Variants in PIEZO2 observed in about 807,000 individuals in gnomAD.
PIEZO2 encodes piezo type mechanosensitive ion channel component 2.
A neutral mutation model predicts 337.3 loss-of-function variants in PIEZO2; 172 were observed. That is an observed-to-expected ratio of 0.51 (90% CI 0.45 to 0.58). PIEZO2 has a LOEUF of 0.58. Ranked by LOEUF, PIEZO2 falls within the 20% of genes least tolerant of loss-of-function variation. The probability of loss-of-function intolerance (pLI) is 0.00; values close to 1 mark genes in which losing one functional copy is unlikely to be tolerated. For missense variants in PIEZO2, 3,028 were observed against 3,391.3 expected (o/e 0.89, Z 2.66); for synonymous variants, 1,251 against 1,228.5 (o/e 1.02, Z -0.38).
chr18:11,020,352 G>T (rs1366740991), intron 2 of PIEZO2, among the ~76,000 whole-genome samples: 1 of 152,138 alleles, frequency 6.6e-6, no homozygotes, highest in South Asian at 2.1e-4. Flanking sequence ...TTCACAAAAT[G>T]ACTTCCTGCA....
intron 3 of PIEZO2, among the ~76,000 whole-genome samples, chr18:10,959,767 C>T (rs155321): frequency 6.6e-6 from 1 of 151,938 alleles, no homozygotes; most frequent in Admixed American, 6.6e-5. Context: ...ATCTACATTT[C>T]TTTTAAGTAA....
At chr18:10,891,518 G>A (rs1294311076) in intron 4 of PIEZO2, among the ~76,000 whole-genome samples, 2 of 152,116 alleles carry the variant, frequency 1.3e-5, no homozygotes, top group African/African-American at 2.4e-5. Flanking sequence ...CATACATGAT[G>A]TACCGCTTGA....
At chr18:11,037,055 T>C (rs991935098) in intron 2 of PIEZO2, among the ~76,000 whole-genome samples, 9 of 152,152 alleles carry the variant, frequency 5.9e-5, no homozygotes, top group Non-Finnish European at 1.3e-4. Context: ...AACCTCCACC[T>C]CTGGGTTCAA....
intron 51 of PIEZO2, among the ~76,000 whole-genome samples, chr18:10,680,869 T>A (rs1224384785): frequency 2.0e-5 from 3 of 152,182 alleles, no homozygotes; most frequent in African/African-American, 7.2e-5. Context: ...TAAAAAAAAA[T>A]TATTTATAAG....
At chr18:10,923,930 A>T (rs1382922000) in intron 3 of PIEZO2, among the ~76,000 whole-genome samples, 1 of 152,226 alleles carries the variant, frequency 6.6e-6, no homozygotes, top group Non-Finnish European at 1.5e-5. Flanking sequence ...GAAGGTCAAC[A>T]CACTCTTCCC....
chr18:11,007,915 A>C (rs2035777085), intron 2 of PIEZO2, among the ~76,000 whole-genome samples: 1 of 152,224 alleles, frequency 6.6e-6, no homozygotes, highest in Non-Finnish European at 1.5e-5. Flanking sequence ...ATCTACAGGA[A>C]GAAAAGAAGA....
At position 10,943,610 on chromosome 18, in the gene PIEZO2, A is replaced by C. The variant is rs116362431; in HGVS notation, c.287-32382T>G. Among the ~76,000 whole-genome samples, 1,276 of 152,332 alleles carry C rather than the reference A, an allele frequency of 8.4e-3. 23 individuals are homozygous for C. Among genetic ancestry groups the C allele is most frequent in the African/African-American group, 0.029 (1,198 of 41,568 alleles). ...CTTTTGATTTTACAGGCTCATAAGC[A>C]GGAAGGAACTTGCCTTGTCTTGGAT... On this transcript the variant is annotated intron_variant, in intron 3 of 55. Transcript: ENST00000674853. This position sits in a 1 kb window ranked among gnomAD's most constrained non-coding sequence, Gnocchi z 4.5.
At chr18:10,722,957 ATTTTTTTTTTTTT>A (rs36042609) in intron 36 of PIEZO2, among the ~76,000 whole-genome samples, 17 of 84,314 alleles carry the variant, frequency 2.0e-4, no homozygotes, top group African/African-American at 6.2e-4. Context: ...GGATGCAGTG[ATTTTTTTTTTTTT>A]TTTTTTTTTT....
chr18:11,076,762 T>C (rs1239440385), intron 1 of PIEZO2, among the ~76,000 whole-genome samples: 1 of 152,222 alleles, frequency 6.6e-6, no homozygotes, highest in Non-Finnish European at 1.5e-5. Flanking sequence ...AAACAGTATG[T>C]CATATCAAAT....
chr18:11,082,445 G>C (rs1368457872), intron 1 of PIEZO2, among the ~76,000 whole-genome samples: 1 of 151,746 alleles, frequency 6.6e-6, no homozygotes, highest in African/African-American at 2.4e-5. Flanking sequence ...AGCCTCCAGA[G>C]TAGCTGGGAC....
At position 10,942,346 on chromosome 18, in the gene PIEZO2, C is replaced by A. The variant is rs1451409852; in HGVS notation, c.287-31118G>T. ...AACTCCCTAGAGACTTGTTGAATGG[C>A]TTTAACCAAAATGCTGATAATGATA... On this transcript the variant is annotated intron_variant, in intron 3 of 55. Transcript: ENST00000674853. This position sits in a 1 kb window ranked among gnomAD's most constrained non-coding sequence, Gnocchi z 4.4. Among the ~76,000 whole-genome samples, 1 of 152,144 alleles carries A rather than the reference C, an allele frequency of 6.6e-6. No homozygotes were observed. Among genetic ancestry groups the A allele is most frequent in the Non-Finnish European group, 1.5e-5 (1 of 68,028 alleles).
intron 7 of PIEZO2, among the ~76,000 whole-genome samples, chr18:10,811,550 T>C (rs2040190939): frequency 6.6e-6 from 1 of 152,172 alleles, no homozygotes; most frequent in African/African-American, 2.4e-5. Context: ...AAACTGTAGA[T>C]ATACAAACAA....
chr18:10,991,187 CACAT>C (rs1303147275), intron 2 of PIEZO2, among the ~76,000 whole-genome samples: 21 of 148,302 alleles, frequency 1.4e-4, no homozygotes, highest in South Asian at 2.1e-4. Context: ...CACACACACA[CACAT>C]ACATACATAT....
intron 2 of PIEZO2, among the ~76,000 whole-genome samples, chr18:11,052,664 A>C (rs1430818106): frequency 6.6e-6 from 1 of 152,234 alleles, no homozygotes; most frequent in Non-Finnish European, 1.5e-5. Context: ...AGGTGACTTT[A>C]ATTAAGAGCA....
rs769510194 is a variant in PIEZO2 at position 11,134,981 on chromosome 18, C to T, written c.64+13544G>A. 5.9e-5 allele frequency among the ~76,000 whole-genome samples: 9 copies of T among 151,864 alleles called. No individual in the cohort carries two copies. The South Asian group carries it at 1.9e-3, about 32-fold the overall frequency. On this transcript the variant is annotated intron_variant, in intron 1 of 55. Coordinates refer to ENST00000674853, the MANE Select transcript of PIEZO2 (RefSeq NM_001378183.1). ...AGCTCTGAACCCTCTAATATTGACCCCCCACCCCACCCACGGTGTTGTGTA... is the reference window on the plus strand; with the variant it reads ...AGCTCTGAACCCTCTAATATTGACCTCCCACCCCACCCACGGTGTTGTGTA...
At chr18:10,881,832 G>A (rs1053156685) in intron 4 of PIEZO2, among the ~76,000 whole-genome samples, 4 of 152,080 alleles carry the variant, frequency 2.6e-5, no homozygotes. Flanking sequence ...AACCTAGAGC[G>A]CCAAATCCAA....
At chr18:10,749,434 G>GCC (rs1449099650) in intron 29 of PIEZO2, among the ~76,000 whole-genome samples, 4 of 152,124 alleles carry the variant, frequency 2.6e-5, no homozygotes, top group Admixed American at 2.6e-4. Flanking sequence ...CTGTAGTTCA[G>GCC]CCTGGGTAAC....
At chr18:10,751,994 C>G (rs557783456) in intron 28 of PIEZO2, among the ~76,000 whole-genome samples, 1 of 151,840 alleles carries the variant, frequency 6.6e-6, no homozygotes, top group South Asian at 2.1e-4. Flanking sequence ...GGGCCTGGTG[C>G]GGGTTGTGGG....
chr18:10,977,001 A>ATGTGTGTGTGTGTGTGTGTG (rs59666101), intron 3 of PIEZO2, among the ~76,000 whole-genome samples: 1 of 142,800 alleles, frequency 7.0e-6, no homozygotes, highest in South Asian at 2.4e-4. Flanking sequence ...AAGAACAAAT[A>ATGTGTGTGTGTGTGTGTGTG]TGTGTGTGTG....
Sources: allele counts gnomAD v4.1 joint callset (sites outside exome capture counted in the v4.1 genomes callset), GRCh38; gene constraint gnomAD v4.1.1; non-coding constraint Gnocchi (gnomAD v3.1); transcripts MANE v1.5; gene names NCBI Gene and HGNC (gene_info 2026-07-23, HGNC 2026-07-21).